The following HOOK1 variants were observed in gnomAD, a reference collection of about 807,000 sequenced individuals.
HOOK1 encodes protein Hook homolog 1.
In HOOK1, 60 loss-of-function variants were observed where a neutral mutation model predicts 112.8. The ratio of observed to expected loss-of-function variants is 0.53; its 90% CI spans 0.43 to 0.66. HOOK1 has a LOEUF of 0.66. Among genes scored for constraint, HOOK1 ranks in the 30% least tolerant of loss-of-function variants. The pLI is 0.00. For missense variants in HOOK1, 770 were observed against 856.0 expected (o/e 0.90, Z 1.25); for synonymous variants, 294 against 283.8 (o/e 1.04, Z -0.36).
At position 59,873,796 on chromosome 1, in the gene HOOK1, G is replaced by A. The variant is rs1394451836; in HGVS notation, c.*831G>A. The stretch of plus-strand genomic sequence containing the variant: ...TGTGAAATGTCTATATACTTTTTAA[G>A]GTAATTAATGAAGATTTCAGTTATT... On this transcript the variant is annotated 3_prime_UTR_variant, in exon 22 of 22. Transcript: ENST00000371208. 7.8e-6 allele frequency: 1 copy of A among 128,728 alleles called. No individual in the cohort carries two copies. The highest frequency in any genetic ancestry group is 1.6e-5 in the Non-Finnish European group (1 of 62,570). The allele number at this position is 128,728 out of a possible 1,614,324, so 8.0% of individuals were successfully genotyped here.
At chr1:59,862,748 A>G (rs2102068225) in intron 15 of HOOK1, 36 bp from the exon 16 acceptor site, 1 of 1,283,592 alleles carries the variant, frequency 7.8e-7, no homozygotes, top group Non-Finnish European at 1.1e-6. Context: ...TTTGACTTTC[A>G]ATACAAGTAA....
In HOOK1 at chr1:59,838,428, C is replaced by T. The variant is rs369858124; in HGVS notation, c.537+1493C>T. Among the ~76,000 whole-genome samples, 24 of 152,262 alleles carry T rather than the reference C, an allele frequency of 1.6e-4. No individual in the cohort carries two copies. In the East Asian group the frequency reaches 2.3e-3, roughly 15 times the overall value. ...AGTATCTCATTGTGGTTTTGATTTG[C>T]GTTTCTCTAATGACCTGTGATGATG... On this transcript the variant is annotated intron_variant, in intron 7 of 21. Transcript: ENST00000371208.
chr1:59,873,007 T>C lies in HOOK1; in HGVS notation c.*42T>C, dbSNP rs1287815151. Reference sequence around the variant, plus strand: ...AACAAAACAAAAAAACCACATAAAATAGAAGTGTCCTTAAAATATTTTGTA... The same window carrying C: ...AACAAAACAAAAAAACCACATAAAACAGAAGTGTCCTTAAAATATTTTGTA... On this transcript the variant is annotated 3_prime_UTR_variant, in exon 22 of 22. Transcript: ENST00000371208. 7.3e-7 allele frequency: 1 copy of C among 1,364,192 alleles called. No homozygotes were observed. The highest frequency in any genetic ancestry group is 2.8e-5 in the East Asian group (1 of 36,324). The allele number at this position is 1,364,192 out of a possible 1,614,324, so 84.5% of individuals were successfully genotyped here.
At chr1:59,850,601 C>T (rs1476297909) in intron 12 of HOOK1, among the ~76,000 whole-genome samples, 1 of 151,436 alleles carries the variant, frequency 6.6e-6, no homozygotes, top group East Asian at 1.9e-4. Flanking sequence ...ACTAGTACCA[C>T]CAGTTGATAA....
At chr1:59,815,855 A>T (rs1277747972) in intron 1 of HOOK1, among the ~76,000 whole-genome samples, 5 of 152,042 alleles carry the variant, frequency 3.3e-5, no homozygotes, top group Non-Finnish European at 5.9e-5. Flanking sequence ...AAAGAAAATG[A>T]GTTGACATTT....
chr1:59,820,869 C>G (rs1040837165), intron 1 of HOOK1, among the ~76,000 whole-genome samples: 1 of 152,128 alleles, frequency 6.6e-6, no homozygotes, highest in African/African-American at 2.4e-5. Context: ...TAAAGTGTCT[C>G]TGTGTGTTTT....
intron 16 of HOOK1, 113 bp downstream of exon 16, chr1:59,862,990 C>A: frequency 1.6e-6 from 1 of 624,722 alleles, no homozygotes; most frequent in South Asian, 2.0e-5. Context: ...TTGAGAATAC[C>A]CTTAAATACC....
chr1:59,839,192 G>A (rs747982048), intron 7 of HOOK1, among the ~76,000 whole-genome samples: 1 of 152,134 alleles, frequency 6.6e-6, no homozygotes, highest in African/African-American at 2.4e-5. Context: ...CTCTTTTTTG[G>A]TTCCATATGA....
chr1:59,864,965 G>T, intron 17 of HOOK1, 198 bp from the exon 18 acceptor site: 1 of 570,222 alleles, frequency 1.8e-6, no homozygotes, highest in African/African-American at 1.9e-5. Context: ...TAGGAAGCAA[G>T]GGTGGCAAGG....
At chr1:59,863,956 G>C (rs577965534) in intron 16 of HOOK1, 1 of 281,424 alleles carries the variant, frequency 3.6e-6, no homozygotes, top group African/African-American at 2.3e-5. Flanking sequence ...AGCACATTTT[G>C]GCTGGCAGTG....
intron 14 of HOOK1, among the ~76,000 whole-genome samples, chr1:59,859,494 A>G (rs747558318): frequency 6.6e-6 from 1 of 151,990 alleles, no homozygotes; most frequent in African/African-American, 2.4e-5. Flanking sequence ...AAATAGCCAT[A>G]TGAGCTTTTT....
chr1:59,862,947 T>C, intron 16 of HOOK1, 70 bp downstream of exon 16: 1 of 856,346 alleles, frequency 1.2e-6, no homozygotes, highest in Non-Finnish European at 2.0e-6. Flanking sequence ...GATGTCCAAA[T>C]TAATCTTGTA....
At chr1:59,847,632 A>G (rs2098404765) in intron 10 of HOOK1, among the ~76,000 whole-genome samples, 1 of 151,650 alleles carries the variant, frequency 6.6e-6, no homozygotes, top group African/African-American at 2.4e-5. Flanking sequence ...TTGGCAATAT[A>G]AAGTTTATAT....
intron 9 of HOOK1, among the ~76,000 whole-genome samples, chr1:59,846,527 T>TTTCCTTCCTTCCTTCC (rs56170541): frequency 1.1e-5 from 1 of 87,334 alleles, no homozygotes; most frequent in Non-Finnish European, 2.3e-5. Context: ...CTTCCTTCCT[T>TTTCCTTCCTTCCTTCC]TTCCTTCCTT....
rs190503557 is a variant in HOOK1 at position 59,839,738 on chromosome 1, C to T, written c.538-570C>T. Among the ~76,000 whole-genome samples, 617 of 152,140 alleles carry T rather than the reference C, an allele frequency of 4.1e-3. 5 individuals are homozygous for T. The highest frequency in any genetic ancestry group is 0.014 in the African/African-American group (563 of 41,516). On this transcript the variant is annotated intron_variant, in intron 7 of 21. Transcript: ENST00000371208. ...CTTCCAATACTATGTTGAATAGGAG[C>T]GGTGAGAGAGGGCATCCTTGTCTTG... is the stretch of plus-strand genomic sequence containing the variant.
intron 12 of HOOK1, among the ~76,000 whole-genome samples, chr1:59,855,942 T>TTATATATATATATATAAATTATTA: frequency 1.0e-5 from 1 of 96,494 alleles, no homozygotes; most frequent in Middle Eastern, 4.8e-3. Context: ...CCCAGCTAAT[T>TTATATATATATATATAAATTATTA]TATATATATA....
intron 2 of HOOK1, among the ~76,000 whole-genome samples, chr1:59,824,300 C>T (rs993667931): frequency 2.0e-5 from 3 of 151,938 alleles, no homozygotes; most frequent in Non-Finnish European, 4.4e-5. Context: ...CTCCGCCTAC[C>T]GGGTTCAAGT....
chr1:59,852,848 C>A (rs879373475), intron 12 of HOOK1, among the ~76,000 whole-genome samples: 1 of 151,290 alleles, frequency 6.6e-6, no homozygotes, highest in Non-Finnish European at 1.5e-5. Flanking sequence ...TCGTTTAATT[C>A]TTTTGAATTA....
intron 20 of HOOK1, among the ~76,000 whole-genome samples, chr1:59,869,917 A>G (rs1407217992): frequency 6.6e-6 from 1 of 152,182 alleles, no homozygotes. Context: ...CCACAACAGC[A>G]TTGGTTTTCT....
Sources: allele counts gnomAD v4.1 joint callset (sites outside exome capture counted in the v4.1 genomes callset), GRCh38; gene constraint gnomAD v4.1.1; transcripts MANE v1.5; gene names NCBI Gene and HGNC (gene_info 2026-07-23, HGNC 2026-07-21).